PUDP: variants seen among roughly 807,000 people sequenced by gnomAD.
PUDP encodes pseudouridine-5'-phosphatase.
Under a neutral mutation model 9.4 loss-of-function variants are expected in PUDP, and 8 were observed. The ratio of observed to expected loss-of-function variants is 0.85; its 90% CI spans 0.50 to 1.53. The LOEUF is 1.53. Ranked by LOEUF, PUDP falls within the 40% of genes most tolerant of loss-of-function variation. The probability of loss-of-function intolerance (pLI) is 0.00; values close to 1 mark genes in which losing one functional copy is unlikely to be tolerated. For missense variants in PUDP, 188 were observed against 189.7 expected (o/e 0.99, Z 0.05); for synonymous variants, 99 against 80.7 (o/e 1.23, Z -1.22).
rs1268276413 is a variant in PUDP at position 7,084,977 on chromosome X, A to C, written c.281-7528T>G. On this transcript the variant is annotated intron_variant, in intron 2 of 3. Coordinates refer to ENST00000381077, the MANE Select transcript of PUDP (RefSeq NM_012080.5). Reference sequence around the variant, plus strand: ...TAGCATTCTCCTTTACACAAGACAGACCTGTTACTCTCTAATAAGATGCTG... The same window carrying C: ...TAGCATTCTCCTTTACACAAGACAGCCCTGTTACTCTCTAATAAGATGCTG... 7 of 112,066 alleles carry C rather than the reference A, an allele frequency of 6.2e-5. No individual in the cohort carries two copies. The Admixed American group carries it at 6.6e-4, about 11-fold the overall frequency. The allele number at this position is 112,066 out of a possible 1,213,427, so 9.2% of individuals were successfully genotyped here.
chrX:6,739,523 G>A (rs557330852), intron 3 of PUDP, among the ~76,000 whole-genome samples: 6 of 111,359 alleles, frequency 5.4e-5, no homozygotes, highest in African/African-American at 1.6e-4. Flanking sequence ...TGTGTGTGTC[G>A]GGGGTGCTGC....
chrX:6,870,785 G>C (rs1440588915), intron 3 of PUDP, among the ~76,000 whole-genome samples: 1 of 112,113 alleles, frequency 8.9e-6, no homozygotes, highest in Non-Finnish European at 1.9e-5. Flanking sequence ...CAAGGGCAGG[G>C]GATGCAAACC....
At chrX:6,925,543 C>G (rs150539753) in intron 3 of PUDP, among the ~76,000 whole-genome samples, 1 of 111,917 alleles carries the variant, frequency 8.9e-6, no homozygotes, top group Non-Finnish European at 1.9e-5. Context: ...TTTAAAGAAG[C>G]CTACTCTGAG....
intron 2 of PUDP, among the ~76,000 whole-genome samples, chrX:7,088,601 T>C (rs763899661): frequency 7.1e-5 from 8 of 112,205 alleles, no homozygotes; most frequent in Non-Finnish European, 1.3e-4. Flanking sequence ...TTTTCCCTTA[T>C]AAAGAATGAC....
Position 7,050,025 on chromosome X carries a change from C to T in PUDP, c.*271G>A, listed in dbSNP as rs145645326. 954 of 340,670 alleles carry T rather than the reference C, an allele frequency of 2.8e-3. 7 individuals are homozygous for T. Among genetic ancestry groups the T allele is most frequent in the African/African-American group, 0.023 (881 of 38,957 alleles). The allele number at this position is 340,670 out of a possible 1,213,427, so 28.1% of individuals were successfully genotyped here. A position where few individuals can be genotyped will look rare whatever the true frequency, so the allele number is the denominator to read the frequency against. On this transcript the variant is annotated 3_prime_UTR_variant, in exon 4 of 4. Transcript: ENST00000381077. Reference sequence around the variant, plus strand: ...ATGTACATTCACTTTATCACATACTCCATCAGCTTGACTTCTGAGATGGTA... The same window carrying T: ...ATGTACATTCACTTTATCACATACTTCATCAGCTTGACTTCTGAGATGGTA...
intron 3 of PUDP, among the ~76,000 whole-genome samples, chrX:6,737,500 G>A (rs181012246): frequency 3.6e-4 from 39 of 109,739 alleles, no homozygotes; most frequent in African/African-American, 1.2e-3. Flanking sequence ...TAATAACTCT[G>A]GGAGAGCTTT....
chrX:6,862,043 C>T (rs111349505), intron 3 of PUDP, among the ~76,000 whole-genome samples: 2,697 of 111,772 alleles, frequency 0.024, 68 homozygotes, highest in African/African-American at 0.081. Flanking sequence ...GAACTGAGAA[C>T]GGTCAAGGGA....
chrX:7,140,885 G>A (rs1193096894), intron 1 of PUDP, among the ~76,000 whole-genome samples: 1 of 112,051 alleles, frequency 8.9e-6, no homozygotes, highest in Non-Finnish European at 1.9e-5. Flanking sequence ...ATGTCAAATC[G>A]TTTCATTATT....
chrX:7,005,020 T>C, intron 1 of PUDP, among the ~76,000 whole-genome samples: 1 of 112,164 alleles, frequency 8.9e-6, no homozygotes, highest in Non-Finnish European at 1.9e-5. Context: ...TATGTACGTA[T>C]AAGTCAGTCG....
At chrX:6,721,859 C>T (rs187067187), upstream of PUDP, among the ~76,000 whole-genome samples, 10 of 111,657 alleles carry the variant, frequency 9.0e-5, no homozygotes, top group South Asian at 7.4e-4. Flanking sequence ...GGCCAAGAAT[C>T]GCTAATAATA....
intron 3 of PUDP, among the ~76,000 whole-genome samples, chrX:6,875,962 T>C (rs1020727913): frequency 8.9e-6 from 1 of 112,421 alleles, no homozygotes; most frequent in African/African-American, 3.2e-5. Flanking sequence ...TTTTTTCTAG[T>C]ATGTGGGATC....
Position 6,714,181 on chromosome X carries a change from C to CAT in PUDP, n.128+7234_128+7235dup, listed in dbSNP as rs1229696379. 2.7e-5 allele frequency among the ~76,000 whole-genome samples: 3 copies of CAT among 111,912 alleles called. No homozygotes were observed. The Admixed American group carries it at 2.9e-4, about 11-fold the overall frequency. ...TGCTGGGATTACAGGTGTGAGCCAT[C>CAT]ATACCCAGCCTCAACTGATTTATTC... is the stretch of plus-strand genomic sequence containing the variant. On this transcript the variant is annotated intron_variant and non_coding_transcript_variant, in intron 1 of 2. Coordinates refer to the PUDP transcript ENST00000438499.
chrX:6,738,564 T>G (rs1924900420), intron 3 of PUDP, among the ~76,000 whole-genome samples: 1 of 111,899 alleles, frequency 8.9e-6, no homozygotes, highest in African/African-American at 3.3e-5. Context: ...CCATTTTCTC[T>G]TCATCTTTAT....
chrX:7,057,668 G>A (rs1300579008), intron 3 of PUDP: 20 of 1,143,143 alleles, frequency 1.7e-5, no homozygotes, highest in South Asian at 3.9e-5. Context: ...TAGAAGGCTC[G>A]GGGTCTCCAT....
chrX:7,018,799 G>T (rs921381729), intron 1 of PUDP, among the ~76,000 whole-genome samples: 1 of 111,567 alleles, frequency 9.0e-6, no homozygotes, highest in African/African-American at 3.3e-5. Context: ...GGAAAATGAG[G>T]CTTGAACTTG....
chrX:6,724,752 C>T (rs1416824616), upstream of PUDP, among the ~76,000 whole-genome samples: 1 of 111,333 alleles, frequency 9.0e-6, no homozygotes. Context: ...TGATCTCACT[C>T]GGTTAAATCT....
intron 1 of PUDP, among the ~76,000 whole-genome samples, chrX:6,980,811 T>C (rs1230225467): frequency 9.0e-6 from 1 of 111,562 alleles, no homozygotes; most frequent in African/African-American, 3.3e-5. Flanking sequence ...AATATAAAGA[T>C]GATTTAAAGT....
intron 3 of PUDP, among the ~76,000 whole-genome samples, chrX:6,942,061 G>A (rs780675527): frequency 1.0e-3 from 111 of 111,282 alleles, no homozygotes; most frequent in African/African-American, 3.2e-3. Context: ...AAGGCAGGAG[G>A]AGGGAGGCGA....
intron 3 of PUDP, among the ~76,000 whole-genome samples, chrX:6,968,780 C>A (rs2146791963): frequency 9.0e-6 from 1 of 110,994 alleles, no homozygotes; most frequent in South Asian, 3.9e-4. Context: ...CCACCATACC[C>A]AGCTAATTTT....
Sources: allele counts gnomAD v4.1 joint callset (sites outside exome capture counted in the v4.1 genomes callset), GRCh38; gene constraint gnomAD v4.1.1; transcripts MANE v1.5; gene names NCBI Gene and HGNC (gene_info 2026-07-23, HGNC 2026-07-21).